Variants in MAPK4 observed in about 807,000 individuals in gnomAD.
MAPK4 encodes mitogen-activated protein kinase 4.
In MAPK4, 22 loss-of-function variants were observed where a neutral mutation model predicts 47.7. The observed-to-expected ratio is 0.46, with a 90% CI of 0.33 to 0.66. MAPK4 has a LOEUF of 0.66. Ranked by LOEUF, MAPK4 falls within the 30% of genes least tolerant of loss-of-function variation. MAPK4 has a pLI of 0.02. For missense variants in MAPK4, 736 were observed against 831.7 expected, an observed-to-expected ratio of 0.88 and a Z score of 1.42; for synonymous variants, 390 against 365.7, an observed-to-expected ratio of 1.07 and a Z score of -0.76.
chr18:50,562,844 A>G (rs1473683345), intron 1 of MAPK4, among the ~76,000 whole-genome samples: 1 of 152,206 alleles, frequency 6.6e-6, no homozygotes, highest in Non-Finnish European at 1.5e-5. Flanking sequence ...ATATATGAAA[A>G]GCCAGGAGCA....
At chr18:50,719,745 G>A (rs1223564743) in intron 3 of MAPK4, among the ~76,000 whole-genome samples, 1 of 152,220 alleles carries the variant, frequency 6.6e-6, no homozygotes, top group African/African-American at 2.4e-5. Context: ...ACAGCAGGCA[G>A]GTGACTCACT....
At chr18:50,677,025 C>T (rs111451920) in intron 2 of MAPK4, among the ~76,000 whole-genome samples, 2,808 of 152,220 alleles carry the variant, frequency 0.018, 77 homozygotes, top group African/African-American at 0.063. Flanking sequence ...ACCTGAGCTC[C>T]GCCTCCTGCC....
chr18:50,598,049 A>G (rs532425401), intron 1 of MAPK4, among the ~76,000 whole-genome samples: 23 of 152,326 alleles, frequency 1.5e-4, no homozygotes. Context: ...ACTCTCACAC[A>G]TTCATCCTTT....
chr18:50,648,075 C>G (rs956066675), intron 1 of MAPK4, among the ~76,000 whole-genome samples: 1 of 151,118 alleles, frequency 6.6e-6, no homozygotes, highest in African/African-American at 2.4e-5. Context: ...TCTTGGGATT[C>G]CCAGTATGAT....
chr18:50,563,630 G>A (rs899093830), intron 1 of MAPK4, among the ~76,000 whole-genome samples: 2 of 152,158 alleles, frequency 1.3e-5, no homozygotes, highest in South Asian at 2.1e-4. Flanking sequence ...CTTCTTCAAG[G>A]CCAAGAATGT....
intron 2 of MAPK4, among the ~76,000 whole-genome samples, chr18:50,671,506 A>G (rs1907946923): frequency 6.6e-6 from 1 of 152,288 alleles, no homozygotes; most frequent in Middle Eastern, 3.4e-3. Context: ...TGAGGTCCCA[A>G]AGGAGGAAAA....
At chr18:50,649,929 C>T (rs547865776) in intron 1 of MAPK4, among the ~76,000 whole-genome samples, 4 of 152,110 alleles carry the variant, frequency 2.6e-5, no homozygotes, top group African/African-American at 4.8e-5. Flanking sequence ...TGCTTTAGTG[C>T]GTCACCATCC....
chr18:50,691,773 G>A (rs1195887802), intron 2 of MAPK4, among the ~76,000 whole-genome samples: 2 of 152,182 alleles, frequency 1.3e-5, no homozygotes, highest in African/African-American at 2.4e-5. Flanking sequence ...GTGCACCTTT[G>A]TCAAGGGAGC....
At chr18:50,637,247 G>T (rs927160017) in intron 1 of MAPK4, among the ~76,000 whole-genome samples, 1 of 152,104 alleles carries the variant, frequency 6.6e-6, no homozygotes. Flanking sequence ...TTTATTGAGC[G>T]CATAGCATGG....
At chr18:50,592,575 C>T (rs1458779767) in intron 1 of MAPK4, among the ~76,000 whole-genome samples, 1 of 152,160 alleles carries the variant, frequency 6.6e-6, no homozygotes, top group African/African-American at 2.4e-5. Context: ...TTCTATCAAC[C>T]TTGTGTGACT....
chr18:50,696,097 TA>T (rs111403643), intron 2 of MAPK4, among the ~76,000 whole-genome samples: 2,223 of 127,582 alleles, frequency 0.017, 35 homozygotes, highest in African/African-American at 0.052. Context: ...CTCCCCTGAT[TA>T]AAAAAAAAAA....
At chr18:50,585,969 A>G (rs184757858) in intron 1 of MAPK4, among the ~76,000 whole-genome samples, 46 of 152,242 alleles carry the variant, frequency 3.0e-4, no homozygotes, top group African/African-American at 1.1e-3. Context: ...CCCATGACAC[A>G]TGGGGATTAT....
intron 2 of MAPK4, among the ~76,000 whole-genome samples, chr18:50,691,938 C>A (rs1909240519): frequency 2.6e-5 from 4 of 152,136 alleles, no homozygotes; most frequent in Admixed American, 2.6e-4. Flanking sequence ...ACTTTGGTTA[C>A]CCCCATCTCC....
chr18:50,668,326 G>A (rs189320125), intron 2 of MAPK4, among the ~76,000 whole-genome samples: 8 of 152,286 alleles, frequency 5.3e-5, no homozygotes, highest in Admixed American at 6.5e-5. Flanking sequence ...CTTTCTCATG[G>A]GTGGACAGTA....
intron 3 of MAPK4, among the ~76,000 whole-genome samples, chr18:50,717,282 T>C (rs1488367305): frequency 6.6e-6 from 1 of 151,980 alleles, no homozygotes; most frequent in African/African-American, 2.4e-5. Context: ...GGGAGCTGAG[T>C]GTCCAGGGAA....
chr18:50,647,106 A>G (rs17742463), intron 1 of MAPK4, among the ~76,000 whole-genome samples: 42,931 of 152,126 alleles, frequency 0.28, 6,342 homozygotes, highest in East Asian at 0.46. Flanking sequence ...CTCTATAAAT[A>G]TTACATGAAA....
At chr18:50,683,878 G>T (rs142675821) in intron 2 of MAPK4, among the ~76,000 whole-genome samples, 3 of 152,138 alleles carry the variant, frequency 2.0e-5, no homozygotes, top group African/African-American at 7.2e-5. Context: ...ACTAACAGTG[G>T]TTAGATTGTC....
chr18:50,600,668 A>G (rs1313510062), intron 1 of MAPK4, among the ~76,000 whole-genome samples: 2 of 152,154 alleles, frequency 1.3e-5, no homozygotes, highest in African/African-American at 2.4e-5. Flanking sequence ...TAATAAATGT[A>G]CTTTCTGTTT....
intron 2 of MAPK4, among the ~76,000 whole-genome samples, chr18:50,673,258 A>G (rs1266955541): frequency 6.6e-6 from 1 of 152,016 alleles, no homozygotes; most frequent in Non-Finnish European, 1.5e-5. Context: ...GCCTAAGCGA[A>G]AGAGTGAAAC....
Sources: gnomAD v4.1 joint callset for allele counts (sites outside exome capture counted in the v4.1 genomes callset) on GRCh38, gnomAD v4.1.1 for gene constraint, MANE v1.5 for transcripts, NCBI Gene and HGNC (gene_info 2026-07-23, HGNC 2026-07-21) for gene names.